The following PTPRD variants were observed in gnomAD, a reference collection of about 807,000 sequenced individuals.
The protein encoded by PTPRD is receptor-type tyrosine-protein phosphatase delta.
Under a neutral mutation model 214.5 loss-of-function variants are expected in PTPRD, and 34 were observed. The observed-to-expected ratio is 0.16, with a 90% CI of 0.12 to 0.21. The LOEUF (loss-of-function observed/expected upper bound fraction) is 0.21. Ranked by LOEUF, PTPRD falls within the 10% of genes least tolerant of loss-of-function variation. PTPRD has a pLI of 1.00. For missense variants in PTPRD, 2,545 were observed against 2,398.7 expected, an observed-to-expected ratio of 1.06 and a Z score of -1.27; for synonymous variants, 1,128 against 845.7, an observed-to-expected ratio of 1.33 and a Z score of -5.79.
chr9:9,698,808 G>C (rs962818256), intron 7 of PTPRD, among the ~76,000 whole-genome samples: 4 of 152,166 alleles, frequency 2.6e-5, no homozygotes, highest in African/African-American at 4.8e-5. Context: ...TTGGTGCCTG[G>C]AAGATTTGAG....
chr9:8,924,561 C>T (rs1315816067), intron 11 of PTPRD, among the ~76,000 whole-genome samples: 6 of 152,110 alleles, frequency 3.9e-5, no homozygotes, highest in Non-Finnish European at 8.8e-5. Context: ...AAGCTGTCAA[C>T]TCCTTTGTCT....
chr9:9,166,759 G>A (rs1284222335), intron 10 of PTPRD, among the ~76,000 whole-genome samples: 4 of 152,000 alleles, frequency 2.6e-5, no homozygotes, highest in Non-Finnish European at 4.4e-5. Flanking sequence ...GTTTGGAGAA[G>A]GAGGGCATTC....
chr9:8,669,400 C>T (rs926280644), intron 12 of PTPRD, among the ~76,000 whole-genome samples: 4 of 151,984 alleles, frequency 2.6e-5, no homozygotes, highest in Admixed American at 2.6e-4. Context: ...GGTATAAGAC[C>T]CAATATGCAG....
chr9:9,292,184 T>TC, intron 9 of PTPRD, among the ~76,000 whole-genome samples: 1 of 13,144 alleles, frequency 7.6e-5, no homozygotes, highest in East Asian at 8.3e-4. Flanking sequence ...AATGAACACT[T>TC]TTTTTTTTCT....
intron 3 of PTPRD, among the ~76,000 whole-genome samples, chr9:10,127,244 C>T (rs1325261915): frequency 6.6e-6 from 1 of 152,100 alleles, no homozygotes; most frequent in Non-Finnish European, 1.5e-5. Context: ...AGTACTGGCA[C>T]ACAAGACCAA....
intron 14 of PTPRD, among the ~76,000 whole-genome samples, chr9:8,581,433 C>T (rs2154251754): frequency 6.6e-6 from 1 of 152,186 alleles, no homozygotes; most frequent in East Asian, 1.9e-4. Context: ...AAAAGGGACA[C>T]ATAAACATCA....
intron 11 of PTPRD, among the ~76,000 whole-genome samples, chr9:8,927,059 T>C (rs1359865118): frequency 3.3e-5 from 5 of 152,138 alleles, no homozygotes; most frequent in African/African-American, 7.2e-5. Flanking sequence ...CATTGAATGA[T>C]TTGTTTAAGG....
chr9:10,025,045 G>A (rs1387144973), intron 4 of PTPRD, among the ~76,000 whole-genome samples: 1 of 151,682 alleles, frequency 6.6e-6, no homozygotes, highest in African/African-American at 2.4e-5. Context: ...GGACATTTGG[G>A]TTGGTTCCAA....
At chr9:9,505,411 T>C (rs192146071) in intron 8 of PTPRD, among the ~76,000 whole-genome samples, 2 of 151,664 alleles carry the variant, frequency 1.3e-5, no homozygotes, top group East Asian at 3.9e-4. Context: ...TTGCTCAATA[T>C]AGGATGTAAA....
intron 5 of PTPRD, among the ~76,000 whole-genome samples, chr9:9,826,036 T>G (rs1253178416): frequency 1.3e-5 from 2 of 151,844 alleles, no homozygotes; most frequent in Non-Finnish European, 2.9e-5. Context: ...ATGATCATAA[T>G]TTTGAGTTAT....
rs76348306 is a variant in PTPRD at position 9,510,359 on chromosome 9, T to A, written c.-237+64373A>T. Among the ~76,000 whole-genome samples, 171 of 151,768 alleles carry A rather than the reference T, an allele frequency of 1.1e-3. 6 individuals are homozygous for A. The East Asian group carries it at 0.031, about 28-fold the overall frequency. On this transcript the variant is annotated intron_variant, in intron 8 of 45. Coordinates refer to ENST00000381196, the MANE Select transcript of PTPRD (RefSeq NM_002839.4). Reference sequence around the variant, plus strand: ...GGATGTCTTATTCTTTTAGTTTTTATCAGCAATGAGCAAACTTCCCAGCAT... The same window carrying A: ...GGATGTCTTATTCTTTTAGTTTTTAACAGCAATGAGCAAACTTCCCAGCAT...
At chr9:9,716,688 T>A (rs1376353635) in intron 7 of PTPRD, among the ~76,000 whole-genome samples, 3 of 152,302 alleles carry the variant, frequency 2.0e-5, no homozygotes, top group African/African-American at 4.8e-5. Context: ...TTTGCCCACT[T>A]TTTGATGGGG....
chr9:9,002,903 TA>T (rs2099429595), intron 11 of PTPRD, among the ~76,000 whole-genome samples: 1 of 152,066 alleles, frequency 6.6e-6, no homozygotes, highest in Non-Finnish European at 1.5e-5. Context: ...CTTTCAGTGG[TA>T]TGTTGGACCA....
At chr9:9,914,221 G>T (rs1434050857) in intron 5 of PTPRD, among the ~76,000 whole-genome samples, 3 of 152,104 alleles carry the variant, frequency 2.0e-5, no homozygotes, top group South Asian at 2.1e-4. Context: ...CTGCATTCAG[G>T]GTCTGAGAAA....
At chr9:8,917,923 C>T (rs2098798179) in intron 11 of PTPRD, among the ~76,000 whole-genome samples, 1 of 152,124 alleles carries the variant, frequency 6.6e-6, no homozygotes, top group African/African-American at 2.4e-5. Flanking sequence ...ATTCTCCCAC[C>T]ACACCTGTGT....
At chr9:10,104,606 G>A (rs1384630411) in intron 3 of PTPRD, among the ~76,000 whole-genome samples, 1 of 151,678 alleles carries the variant, frequency 6.6e-6, no homozygotes, top group Non-Finnish European at 1.5e-5. Flanking sequence ...AATGCAATTT[G>A]TAATAATATT....
intron 11 of PTPRD, among the ~76,000 whole-genome samples, chr9:8,908,561 C>G (rs1555506858): frequency 6.6e-6 from 1 of 151,840 alleles, no homozygotes; most frequent in Non-Finnish European, 1.5e-5. Flanking sequence ...AATAACAACA[C>G]AACATACAAA....
chr9:8,633,445 T>C lies in PTPRD; in HGVS notation c.224A>G (p.Asp75Gly), dbSNP rs756679162. The change falls in exon 14 of 46, where the codon GAC becomes GGC. Residue 75 changes from aspartate to glycine, a missense_variant. Asp to Gly is a moderately conservative substitution (Grantham distance 94, BLOSUM62 -1). Coordinates refer to ENST00000381196, the MANE Select transcript of PTPRD (RefSeq NM_002839.4). ...SNQRFEVIEFDDGSGSVLRIQ... is the reference protein window; with the variant it reads ...SNQRFEVIEFGDGSGSVLRIQ... ...TCTGAGAACTGATCCAGACCCATCG[T>C]CAAACTCTATTACCTATTAGAGGAA... 1.2e-5 allele frequency: 19 copies of C among 1,612,096 alleles called. No homozygotes were observed. The highest frequency in any genetic ancestry group is 1.7e-5 in the Admixed American group (1 of 59,820).
intron 9 of PTPRD, among the ~76,000 whole-genome samples, chr9:9,342,719 T>C (rs926054718): frequency 6.6e-6 from 1 of 151,852 alleles, no homozygotes; most frequent in African/African-American, 2.4e-5. Context: ...TTTTTTTTTT[T>C]TATTATTATA....
Sources: allele counts gnomAD v4.1 joint callset (sites outside exome capture counted in the v4.1 genomes callset), GRCh38; gene constraint gnomAD v4.1.1; transcripts MANE v1.5; gene names NCBI Gene and HGNC (gene_info 2026-07-23, HGNC 2026-07-21).